The following NYAP2 variants were observed in gnomAD, a reference collection of about 807,000 sequenced individuals.
NYAP2 encodes the protein neuronal tyrosine-phosphorylated phosphoinositide-3-kinase adaptor 2.
In NYAP2, 23 loss-of-function variants were observed where a neutral mutation model predicts 50.4. The ratio of observed to expected loss-of-function variants is 0.46; its 90% CI spans 0.33 to 0.65. NYAP2 has a LOEUF of 0.65. NYAP2 is among the 30% of genes least tolerant of loss of function. The pLI is 0.02. For missense variants in NYAP2, 885 were observed against 861.0 expected (o/e 1.03, Z -0.35); for synonymous variants, 394 against 365.2 (o/e 1.08, Z -0.90).
intron 3 of NYAP2, among the ~76,000 whole-genome samples, chr2:225,410,144 CTT>C (rs1372355796): frequency 6.6e-6 from 1 of 151,852 alleles, no homozygotes; most frequent in East Asian, 1.9e-4. Flanking sequence ...TTAAAAATAA[CTT>C]TATGGAGAGA....
rs371531078 is a variant in NYAP2, at chr2:225,650,241, T to C, written c.1829-1191T>C. 6.6e-5 allele frequency among the ~76,000 whole-genome samples: 10 copies of C among 152,162 alleles called. No individual in the cohort carries two copies. In the East Asian group the frequency reaches 7.7e-4, roughly 12 times the overall value. ...GTGAACCATTCATGCAATGCAGATA[T>C]AGTCAATGCTTTTCTCTGAAGTGCG... On this transcript the variant is annotated intron_variant, in intron 6 of 6. Transcript: ENST00000636099.
intron 4 of NYAP2, among the ~76,000 whole-genome samples, chr2:225,536,611 T>C (rs1420869264): frequency 6.6e-6 from 1 of 152,160 alleles, no homozygotes; most frequent in Non-Finnish European, 1.5e-5. Context: ...AACCATACAA[T>C]GTGTAATAAT....
chr2:225,623,814 A>G (rs549017269), intron 5 of NYAP2, among the ~76,000 whole-genome samples: 1 of 152,358 alleles, frequency 6.6e-6, no homozygotes, highest in South Asian at 2.1e-4. Flanking sequence ...CAGAGAAGGC[A>G]TATTCCATTG....
chr2:225,548,801 A>G (rs951851716), intron 4 of NYAP2, among the ~76,000 whole-genome samples: 1 of 152,228 alleles, frequency 6.6e-6, no homozygotes, highest in Non-Finnish European at 1.5e-5. Flanking sequence ...CTTTGAGCCA[A>G]CTTGTTTGGT....
At chr2:225,507,080 T>C (rs1690720596) in intron 3 of NYAP2, among the ~76,000 whole-genome samples, 1 of 152,188 alleles carries the variant, frequency 6.6e-6, no homozygotes, top group Non-Finnish European at 1.5e-5. Context: ...CCCTTCAGTT[T>C]GTATCTCAAA....
chr2:225,623,099 C>A (rs548929452), intron 5 of NYAP2, among the ~76,000 whole-genome samples: 3 of 152,194 alleles, frequency 2.0e-5, no homozygotes, highest in South Asian at 2.1e-4. Context: ...TATACACAGG[C>A]CCATTTAAAA....
At chr2:225,641,032 C>T (rs769664495) in intron 6 of NYAP2, among the ~76,000 whole-genome samples, 15 of 152,110 alleles carry the variant, frequency 9.9e-5, no homozygotes, top group Non-Finnish European at 1.9e-4. Context: ...CCTCTCAATA[C>T]AAGATTAATT....
At chr2:225,410,227 T>C (rs1263058966) in intron 3 of NYAP2, among the ~76,000 whole-genome samples, 7 of 152,122 alleles carry the variant, frequency 4.6e-5, no homozygotes, top group African/African-American at 1.7e-4. Context: ...AAAAGAGAAC[T>C]CTTTTTTCTC....
chr2:225,646,648 A>G (rs1693640134), intron 6 of NYAP2, among the ~76,000 whole-genome samples: 1 of 152,230 alleles, frequency 6.6e-6, no homozygotes, highest in Admixed American at 6.5e-5. Flanking sequence ...GTATGTGTAC[A>G]TTATGAATAT....
chr2:225,672,546 G>A, the NYAP2 span, among the ~76,000 whole-genome samples: 1 of 152,240 alleles, frequency 6.6e-6, no homozygotes, highest in South Asian at 2.1e-4. Flanking sequence ...ATTAAGTGCA[G>A]TAACACTTGT....
chr2:225,498,243 T>C (rs915812845), intron 3 of NYAP2, among the ~76,000 whole-genome samples: 2 of 152,048 alleles, frequency 1.3e-5, no homozygotes, highest in African/African-American at 4.8e-5. Flanking sequence ...ATAGCTGTAA[T>C]ATAAGGCAAA....
At chr2:225,525,998 G>A (rs1167755503) in intron 4 of NYAP2, among the ~76,000 whole-genome samples, 4 of 152,158 alleles carry the variant, frequency 2.6e-5, no homozygotes, top group African/African-American at 9.7e-5. Context: ...CAGCAAGAAA[G>A]GTGGGACCTG....
chr2:225,413,524 A>T (rs1337855687), intron 3 of NYAP2, among the ~76,000 whole-genome samples: 1 of 152,146 alleles, frequency 6.6e-6, no homozygotes, highest in Non-Finnish European at 1.5e-5. Context: ...ATTTAAAAAT[A>T]ATAACAGTCT....
chr2:225,402,463 G>A (rs1384721818), intron 2 of NYAP2, among the ~76,000 whole-genome samples: 6 of 151,986 alleles, frequency 3.9e-5, no homozygotes, highest in East Asian at 1.9e-4. Context: ...TCAGCCACTG[G>A]CATTTTGCAT....
chr2:225,650,417 G>T (rs2106271880), intron 6 of NYAP2, among the ~76,000 whole-genome samples: 1 of 152,282 alleles, frequency 6.6e-6, no homozygotes, highest in East Asian at 1.9e-4. Flanking sequence ...AAAGCCAGTT[G>T]TTCGATGAGT....
At chr2:225,626,178 A>G (rs1435056239) in intron 5 of NYAP2, among the ~76,000 whole-genome samples, 1 of 152,232 alleles carries the variant, frequency 6.6e-6, no homozygotes, top group Non-Finnish European at 1.5e-5. Flanking sequence ...CCTAGCAGGC[A>G]GTTGGATAAA....
intron 3 of NYAP2, among the ~76,000 whole-genome samples, chr2:225,468,521 C>T (rs1689960743): frequency 6.6e-6 from 1 of 152,078 alleles, no homozygotes; most frequent in South Asian, 2.1e-4. Flanking sequence ...TACAGTCATT[C>T]AAACCACTGT....
Position 225,546,458 on chromosome 2 carries a change from GT to G in NYAP2, c.523+32788del, listed in dbSNP as rs576244879. ...ACAAGCAGAGGAGCCTCTCCACATG[GT>G]TACCACAACCACAGATCCACATGGT... On this transcript the variant is annotated intron_variant, in intron 4 of 6. Coordinates refer to ENST00000636099, the Ensembl canonical transcript of NYAP2. Among the ~76,000 whole-genome samples, 18 of 151,974 alleles carry G rather than the reference GT, an allele frequency of 1.2e-4. No homozygotes were observed. In the South Asian group the frequency reaches 3.3e-3, roughly 28 times the overall value.
chr2:225,582,378 G>T lies in NYAP2; in HGVS notation c.961G>T (p.Asp321Tyr). 1 of 1,611,454 alleles carries T rather than the reference G, an allele frequency of 6.2e-7. No individual in the cohort carries two copies. The highest frequency in any genetic ancestry group is 8.5e-7 in the Non-Finnish European group (1 of 1,177,958). ...ATGCCCCCCCAAGGGGCTGCTTTGCGACATCCCTCCGCCCTTCCCCAACCT... is the reference window on the plus strand; with the variant it reads ...ATGCCCCCCCAAGGGGCTGCTTTGCTACATCCCTCCGCCCTTCCCCAACCT... Residue 321 changes from aspartate to tyrosine, a missense_variant, in exon 5 of 7, where the codon GAC (aspartate) becomes TAC (tyrosine). Coordinates refer to ENST00000636099, the Ensembl canonical transcript of NYAP2. The surrounding 1 kb of genome is among the most constrained non-coding windows in gnomAD (Gnocchi z 7.0).
Sources: allele counts gnomAD v4.1 joint callset (sites outside exome capture counted in the v4.1 genomes callset), GRCh38; gene constraint gnomAD v4.1.1; non-coding constraint Gnocchi (gnomAD v3.1); transcripts MANE v1.5; gene names NCBI Gene and HGNC (gene_info 2026-07-23, HGNC 2026-07-21).